CDKAL1: variants seen among roughly 807,000 people sequenced by gnomAD.
CDKAL1 encodes threonylcarbamoyladenosine tRNA methylthiotransferase.
A neutral mutation model predicts 68.2 loss-of-function variants in CDKAL1; 32 were observed. That is an observed-to-expected ratio of 0.47 (90% CI 0.35 to 0.63). The LOEUF is 0.63. Ranked by LOEUF, CDKAL1 falls within the 30% of genes least tolerant of loss-of-function variation. CDKAL1 has a pLI of 0.00. For missense variants in CDKAL1, 606 were observed against 696.7 expected, an observed-to-expected ratio of 0.87 and a Z score of 1.47; for synonymous variants, 234 against 244.3, an observed-to-expected ratio of 0.96 and a Z score of 0.39.
chr6:20,794,172 C>T (rs559533475), intron 8 of CDKAL1, among the ~76,000 whole-genome samples: 1 of 151,758 alleles, frequency 6.6e-6, no homozygotes, highest in Non-Finnish European at 1.5e-5. Flanking sequence ...TCTGTATCTG[C>T]TTTTTCTTTT....
intron 9 of CDKAL1, among the ~76,000 whole-genome samples, chr6:20,914,324 T>C (rs1336065679): frequency 6.6e-6 from 1 of 152,118 alleles, no homozygotes; most frequent in African/African-American, 2.4e-5. Context: ...GTTTATGTTA[T>C]ACCCGCATGC....
At chr6:20,744,780 G>A (rs1037095977) in intron 6 of CDKAL1, among the ~76,000 whole-genome samples, 3 of 152,140 alleles carry the variant, frequency 2.0e-5, no homozygotes, top group African/African-American at 4.8e-5. Flanking sequence ...TAGGAAGTTA[G>A]GCTCTCACTC....
chr6:21,044,713 G>T (rs1393715718), intron 11 of CDKAL1, among the ~76,000 whole-genome samples: 1 of 152,142 alleles, frequency 6.6e-6, no homozygotes, highest in Non-Finnish European at 1.5e-5. Flanking sequence ...TGGTTTCTCT[G>T]TGCAAACACT....
intron 4 of CDKAL1, among the ~76,000 whole-genome samples, chr6:20,584,358 T>C (rs1765258201): frequency 6.6e-6 from 1 of 152,132 alleles, no homozygotes; most frequent in African/African-American, 2.4e-5. Flanking sequence ...CAGTGTGTTC[T>C]GAGAAAGCAG....
intron 12 of CDKAL1, among the ~76,000 whole-genome samples, chr6:21,066,555 A>G (rs535845566): frequency 1.3e-5 from 2 of 152,330 alleles, no homozygotes; most frequent in African/African-American, 4.8e-5. Context: ...ACTACATGAC[A>G]ATCAAGATAT....
chr6:21,189,778 G>A (rs1778161575), intron 13 of CDKAL1, among the ~76,000 whole-genome samples: 3 of 152,124 alleles, frequency 2.0e-5, no homozygotes, highest in South Asian at 4.1e-4. Flanking sequence ...ACTGTTGACC[G>A]TTTTTAGCAT....
At chr6:21,220,871 A>T (rs890773163) in intron 15 of CDKAL1, among the ~76,000 whole-genome samples, 1 of 152,186 alleles carries the variant, frequency 6.6e-6, no homozygotes, top group East Asian at 1.9e-4. Context: ...TGGAGAGATT[A>T]AAATATAATT....
chr6:21,001,819 C>T (rs1767441306), intron 11 of CDKAL1, among the ~76,000 whole-genome samples: 1 of 152,180 alleles, frequency 6.6e-6, no homozygotes, highest in East Asian at 1.9e-4. Flanking sequence ...AAGTCAGTTG[C>T]ACTTGTGAAA....
chr6:20,661,298 G>T (rs9460544), intron 5 of CDKAL1, among the ~76,000 whole-genome samples: 60,252 of 151,930 alleles, frequency 0.4, 13,072 homozygotes, highest in African/African-American at 0.58. Flanking sequence ...CTGTTGTTGC[G>T]AGGATTTTGT....
At chr6:20,641,808 A>G (rs1768189257) in intron 4 of CDKAL1, among the ~76,000 whole-genome samples, 1 of 151,990 alleles carries the variant, frequency 6.6e-6, no homozygotes, top group South Asian at 2.1e-4. Flanking sequence ...AGAATTACTT[A>G]TTTATATATG....
intron 4 of CDKAL1, among the ~76,000 whole-genome samples, chr6:20,631,969 A>G (rs968209575): frequency 2.0e-5 from 3 of 152,214 alleles, no homozygotes; most frequent in African/African-American, 7.2e-5. Flanking sequence ...TTGCATGTCT[A>G]TAATTATACT....
In CDKAL1 at chr6:20,540,077, C is replaced by CTTTTTTTTTTTTTT. The variant is rs71538791; in HGVS notation, c.-6+4684_-6+4697dup. On this transcript the variant is annotated intron_variant, in intron 2 of 15. Transcript: ENST00000274695. ...CTGAGCAGTAGAAGATTGGGATTGT[C>CTTTTTTTTTTTTTT]TTTTTTTTTTTTTTGAGACAGAGTC... Among the ~76,000 whole-genome samples the CTTTTTTTTTTTTTT allele has an allele frequency of 2.1e-4, 27 of 131,234 alleles. 3 individuals are homozygous for CTTTTTTTTTTTTTT. Among genetic ancestry groups the CTTTTTTTTTTTTTT allele is most frequent in the African/African-American group, 6.1e-4 (20 of 32,710 alleles). 86.1% of individuals were successfully genotyped at this position (131,234 alleles called of 152,430 possible). A position where few individuals can be genotyped will look rare whatever the true frequency, so the allele number is the denominator to read the frequency against.
intron 10 of CDKAL1, among the ~76,000 whole-genome samples, chr6:20,971,463 T>C (rs114801485): frequency 9.2e-4 from 140 of 152,272 alleles, no homozygotes; most frequent in Non-Finnish European, 1.6e-3. Context: ...AATTAATAGA[T>C]ATAAACTCTA....
intron 13 of CDKAL1, among the ~76,000 whole-genome samples, chr6:21,134,990 C>G (rs1775517454): frequency 6.6e-6 from 1 of 152,016 alleles, no homozygotes; most frequent in Non-Finnish European, 1.5e-5. Context: ...CCACTAAGAG[C>G]ACTGCATTGA....
intron 11 of CDKAL1, among the ~76,000 whole-genome samples, chr6:21,003,371 T>TATATATATATATACAC: frequency 0.06 from 2,920 of 48,536 alleles, 211 homozygotes; most frequent in Non-Finnish European, 0.081. Context: ...TATATATATA[T>TATATATATATATACAC]ACACACACAC....
chr6:21,074,302 G>A (rs568404570), intron 12 of CDKAL1, among the ~76,000 whole-genome samples: 7 of 152,232 alleles, frequency 4.6e-5, no homozygotes, highest in East Asian at 1.9e-4. Flanking sequence ...CAAGGTGTCC[G>A]TGTATGTCTC....
chr6:20,546,633 A>C, intron 3 of CDKAL1, 110 bp downstream of exon 3: 1 of 765,218 alleles, frequency 1.3e-6, no homozygotes, highest in African/African-American at 1.8e-5. Context: ...GGTTCACTGC[A>C]ACCTCCTCCT....
intron 5 of CDKAL1, among the ~76,000 whole-genome samples, chr6:20,667,051 A>T (rs1248349447): frequency 6.6e-6 from 1 of 152,150 alleles, no homozygotes; most frequent in African/African-American, 2.4e-5. Flanking sequence ...TGTCTCTTCC[A>T]TTTGGCAGCA....
chr6:20,622,288 C>T (rs192158253), intron 4 of CDKAL1, among the ~76,000 whole-genome samples: 1 of 152,044 alleles, frequency 6.6e-6, no homozygotes, highest in Non-Finnish European at 1.5e-5. Context: ...ACACAAGTTT[C>T]CCCTACCCCA....
Sources: allele counts gnomAD v4.1 joint callset (sites outside exome capture counted in the v4.1 genomes callset), GRCh38; gene constraint gnomAD v4.1.1; transcripts MANE v1.5; gene names NCBI Gene and HGNC (gene_info 2026-07-23, HGNC 2026-07-21).